MSI2: variants seen among roughly 807,000 people sequenced by gnomAD.
The protein encoded by MSI2 is RNA-binding protein Musashi homolog 2.
MSI2 carries 17 observed loss-of-function variants against 45.6 expected under a neutral mutation model. That is an observed-to-expected ratio of 0.37 (90% CI 0.26 to 0.56). MSI2 has a LOEUF of 0.56. Among genes scored for constraint, MSI2 ranks in the 20% least tolerant of loss-of-function variants. The pLI is 0.77. For missense variants in MSI2, 293 were observed against 444.2 expected, an observed-to-expected ratio of 0.66 and a Z score of 3.06; for synonymous variants, 156 against 158.2, an observed-to-expected ratio of 0.99 and a Z score of 0.11.
chr17:57,540,273 G>T (rs1453928018), intron 7 of MSI2, among the ~76,000 whole-genome samples: 5 of 152,164 alleles, frequency 3.3e-5, no homozygotes, highest in African/African-American at 2.4e-5. Flanking sequence ...ATTAATTATT[G>T]TTATTTTACT....
intron 7 of MSI2, among the ~76,000 whole-genome samples, chr17:57,547,587 C>G (rs944494784): frequency 6.6e-6 from 1 of 151,932 alleles, no homozygotes; most frequent in African/African-American, 2.4e-5. Flanking sequence ...ACTCTAGGTT[C>G]TTGGGTTGAG....
chr17:57,491,175 G>A (rs1258425173), intron 6 of MSI2, among the ~76,000 whole-genome samples: 1 of 152,224 alleles, frequency 6.6e-6, no homozygotes, highest in Non-Finnish European at 1.5e-5. Context: ...GGATTCTCCT[G>A]TAGAGGGGAG....
intron 6 of MSI2, among the ~76,000 whole-genome samples, chr17:57,462,891 G>A (rs1300913384): frequency 6.6e-6 from 1 of 152,224 alleles, no homozygotes; most frequent in African/African-American, 2.4e-5. Flanking sequence ...ATACACACAA[G>A]CACTCAGACA....
chr17:57,529,564 A>C lies in MSI2; in HGVS notation c.406-112A>C, dbSNP rs2086778191. On this transcript the variant is annotated intron_variant, in intron 6 of 13. Transcript: ENST00000284073. The surrounding 1 kb of genome is among the most constrained non-coding windows in gnomAD (Gnocchi z 5.3). ...CATTTTCAAATATTTTTTGATAAGC[A>C]ACTATTACTTCTGTAATGGAAACTA... The C allele has an allele frequency of 2.2e-6, 2 of 905,162 alleles. No homozygotes were observed. The highest frequency in any genetic ancestry group is 1.7e-5 in the African/African-American group (1 of 58,278). The allele number at this position is 905,162 out of a possible 1,614,324, so 56.1% of individuals were successfully genotyped here.
intron 6 of MSI2, among the ~76,000 whole-genome samples, chr17:57,515,690 A>G (rs1209251350): frequency 6.6e-6 from 1 of 152,160 alleles, no homozygotes; most frequent in Non-Finnish European, 1.5e-5. Context: ...CAATTCATGT[A>G]TTCATGTGAC....
At chr17:57,259,671 A>T (rs982530784) in intron 4 of MSI2, among the ~76,000 whole-genome samples, 3 of 152,264 alleles carry the variant, frequency 2.0e-5, no homozygotes, top group Non-Finnish European at 4.4e-5. Context: ...TAATTTCAGA[A>T]ATGATTTGTA....
intron 5 of MSI2, among the ~76,000 whole-genome samples, chr17:57,330,401 C>T (rs576483651): frequency 6.6e-6 from 1 of 151,930 alleles, no homozygotes; most frequent in South Asian, 2.1e-4. Flanking sequence ...TCTCCTGCCT[C>T]AGCCTCCCTA....
At chr17:57,446,708 G>C (rs2084906724) in intron 6 of MSI2, among the ~76,000 whole-genome samples, 2 of 152,208 alleles carry the variant, frequency 1.3e-5, no homozygotes, top group South Asian at 4.1e-4. Flanking sequence ...CATTGACTCT[G>C]AATGGCTCCA....
chr17:57,427,256 G>A (rs2084510108), intron 6 of MSI2, among the ~76,000 whole-genome samples: 2 of 152,016 alleles, frequency 1.3e-5, no homozygotes, highest in Non-Finnish European at 2.9e-5. Flanking sequence ...AATTAGCTGA[G>A]TTGTGGTGAT....
chr17:57,368,385 G>A (rs1020213895), intron 5 of MSI2, among the ~76,000 whole-genome samples: 2 of 151,956 alleles, frequency 1.3e-5, no homozygotes, highest in African/African-American at 2.4e-5. Flanking sequence ...GCAAAACACC[G>A]TCTCTACTAA....
Position 57,608,580 on chromosome 17 carries a change from C to T in MSI2, c.538-7390C>T, listed in dbSNP as rs577622419. On this transcript the variant is annotated intron_variant, in intron 8 of 13. Transcript: ENST00000284073. ...AGCTTCCTGGGTGTAAGGCCTGAGC[C>T]GTCGCTTGGCCCTGTCCTCAGAGGC... Among the ~76,000 whole-genome samples the T allele has an allele frequency of 5.9e-5, 9 of 152,384 alleles. No homozygotes were observed. In the South Asian group the frequency reaches 1.9e-3, roughly 32 times the overall value.
chr17:57,516,285 G>A (rs1056145460), intron 6 of MSI2, among the ~76,000 whole-genome samples: 1 of 152,100 alleles, frequency 6.6e-6, no homozygotes, highest in African/African-American at 2.4e-5. Context: ...TCACAGAAAT[G>A]GAGTCATACA....
At chr17:57,687,292 C>CA (rs146131619), downstream of MSI2, among the ~76,000 whole-genome samples, 36,695 of 149,898 alleles carry the variant, frequency 0.24, 4,831 homozygotes, top group African/African-American at 0.34. Flanking sequence ...AAATAGCAAC[C>CA]AAAAAAACTA....
chr17:57,602,688 C>T (rs553194859), intron 8 of MSI2, among the ~76,000 whole-genome samples: 1 of 152,286 alleles, frequency 6.6e-6, no homozygotes, highest in African/African-American at 2.4e-5. Context: ...TTTTCTTACT[C>T]CTTTAAGGTG....
At chr17:57,335,776 G>T (rs1285457947) in intron 5 of MSI2, among the ~76,000 whole-genome samples, 5 of 152,226 alleles carry the variant, frequency 3.3e-5, no homozygotes, top group Non-Finnish European at 2.9e-5. Flanking sequence ...AGGCCCTTGT[G>T]AGTGCTCTTC....
At chr17:57,648,132 C>CGT (rs765039915) in intron 10 of MSI2, among the ~76,000 whole-genome samples, 28,669 of 115,976 alleles carry the variant, frequency 0.25, 3,329 homozygotes, top group East Asian at 0.37. Context: ...CTGGCTAATT[C>CGT]GTGTGTGTGT....
In MSI2 at chr17:57,256,632, G is replaced by A; in HGVS notation, c.-111G>A. The A allele has an allele frequency of 4.3e-6, 2 of 462,852 alleles. No homozygotes were observed. The highest frequency in any genetic ancestry group is 7.3e-6 in the Non-Finnish European group (2 of 272,158). The allele number at this position is 462,852 out of a possible 1,614,324, so 28.7% of individuals were successfully genotyped here. A position where few individuals can be genotyped will look rare whatever the true frequency, so the allele number is the denominator to read the frequency against. ...TCGGAGGAGCCCGGGCGGGGGGGAGGAGGAGGGGGAGGAGGGAGCGGAGAT... is the reference window on the plus strand; with the variant it reads ...TCGGAGGAGCCCGGGCGGGGGGGAGAAGGAGGGGGAGGAGGGAGCGGAGAT... On this transcript the variant is annotated 5_prime_UTR_variant, in exon 1 of 14. Coordinates refer to ENST00000284073, the MANE Select transcript of MSI2 (RefSeq NM_138962.4).
At chr17:57,346,560 T>C (rs1257046559) in intron 5 of MSI2, among the ~76,000 whole-genome samples, 1 of 151,310 alleles carries the variant, frequency 6.6e-6, no homozygotes, top group Non-Finnish European at 1.5e-5. Context: ...ATAAATAATC[T>C]TTCTTTTTTT....
intron 8 of MSI2, among the ~76,000 whole-genome samples, chr17:57,603,232 A>G (rs1906118154): frequency 6.6e-6 from 1 of 152,200 alleles, no homozygotes; most frequent in Non-Finnish European, 1.5e-5. Context: ...CTCTGGGTGC[A>G]GGCCTTGGAG....
Sources: gnomAD v4.1 joint callset for allele counts (sites outside exome capture counted in the v4.1 genomes callset) on GRCh38, gnomAD v4.1.1 for gene constraint, Gnocchi (gnomAD v3.1) non-coding constraint, MANE v1.5 for transcripts, NCBI Gene and HGNC (gene_info 2026-07-23, HGNC 2026-07-21) for gene names.